Variants in ADGRV1 observed in about 807,000 individuals in gnomAD.
ADGRV1 encodes the protein adhesion G protein-coupled receptor V1.
Under a neutral mutation model 596.2 loss-of-function variants are expected in ADGRV1, and 359 were observed. The ratio of observed to expected loss-of-function variants is 0.60; its 90% CI spans 0.55 to 0.66. ADGRV1 has a LOEUF of 0.66. Ranked by LOEUF, ADGRV1 falls within the 30% of genes least tolerant of loss-of-function variation. The pLI is 0.00. For missense variants in ADGRV1, 7,274 were observed against 7,575.6 expected, an observed-to-expected ratio of 0.96 and a Z score of 1.48; for synonymous variants, 2,681 against 2,679.2, an observed-to-expected ratio of 1.00 and a Z score of -0.02.
At position 90,777,950 on chromosome 5, in the gene ADGRV1, G is replaced by A; in HGVS notation, c.12573G>A (p.Trp4191Ter). Residue 4191 changes from tryptophan (W) to a stop codon, truncating the protein, a stop_gained, in exon 62 of 90, where the codon TGG (tryptophan) becomes TGA (stop). Coordinates refer to ENST00000405460, the MANE Select transcript of ADGRV1 (RefSeq NM_032119.4). LOFTEE classifies it high-confidence loss of function. ...PGILGEVTVF[W>*]RIFPPSVGEF... The stretch of plus-strand genomic sequence containing the variant: ...TTTTGGGGGAGGTCACAGTGTTCTG[G>A]AGGATATTCCCTCCTTCCGTGGGGG... The A allele has an allele frequency of 6.2e-7, 1 of 1,612,784 alleles. No homozygotes were observed. Among genetic ancestry groups the A allele is most frequent in the Non-Finnish European group, 8.5e-7 (1 of 1,179,326 alleles).
rs1201972074 is a variant in ADGRV1, at chr5:90,853,476, G to T, written c.17397G>T (p.Glu5799Asp). Residue 5799 changes from glutamate to aspartate, a missense_variant, in exon 80 of 90, where the codon GAG becomes GAT. By Grantham distance (45) the Glu-to-Asp change is conservative. Transcript: ENST00000405460. ...CATGTAAATTAGTCCAGTTTACAGAGTATAGCAGCCAACAGTGGTTTATAA... is the reference window on the plus strand; with the variant it reads ...CATGTAAATTAGTCCAGTTTACAGATTATAGCAGCCAACAGTGGTTTATAA... ...KSTCKLVQFTEYSSQQWFISG... is the reference protein window; with the variant it reads ...KSTCKLVQFTDYSSQQWFISG... The T allele has an allele frequency of 2.5e-6, 4 of 1,612,852 alleles. No individual in the cohort carries two copies. The highest frequency in any genetic ancestry group is 3.4e-6 in the Non-Finnish European group (4 of 1,179,274).
chr5:90,961,811 T>G (rs1317188764), intron 83 of ADGRV1, among the ~76,000 whole-genome samples: 1 of 152,184 alleles, frequency 6.6e-6, no homozygotes, highest in Non-Finnish European at 1.5e-5. Context: ...AAATACTTTT[T>G]GGGGGAACTA....
intron 83 of ADGRV1, among the ~76,000 whole-genome samples, chr5:90,941,093 C>G (rs914907954): frequency 1.9e-4 from 28 of 151,092 alleles, no homozygotes; most frequent in African/African-American, 6.8e-4. Flanking sequence ...GAAAACAAAA[C>G]CAGCTTTTAG....
At chr5:90,788,487 G>T (rs1242650575) in intron 68 of ADGRV1, among the ~76,000 whole-genome samples, 177 bp downstream of exon 68, 1 of 152,106 alleles carries the variant, frequency 6.6e-6, no homozygotes, top group Non-Finnish European at 1.5e-5. Context: ...TCATTGCATA[G>T]CCTGATTATT....
At chr5:90,680,663 G>A (rs2149572256) in intron 26 of ADGRV1, among the ~76,000 whole-genome samples, 1 of 152,216 alleles carries the variant, frequency 6.6e-6, no homozygotes, top group South Asian at 2.1e-4. Context: ...ACTTCCATCA[G>A]TGCCTAATGC....
intron 39 of ADGRV1, among the ~76,000 whole-genome samples, chr5:90,709,763 G>A (rs757874318): frequency 5.9e-5 from 9 of 152,202 alleles, no homozygotes; most frequent in Admixed American, 2.0e-4. Context: ...TGAGTAGGCT[G>A]TTTACATCAA....
chr5:91,049,917 G>A (rs778676292), intron 85 of ADGRV1, among the ~76,000 whole-genome samples: 97 of 152,294 alleles, frequency 6.4e-4, no homozygotes, highest in Non-Finnish European at 7.2e-4. Flanking sequence ...AGGGACAACT[G>A]TATGTGAGGT....
chr5:90,704,662 T>C (rs1010734954), intron 36 of ADGRV1, among the ~76,000 whole-genome samples, 174 bp downstream of exon 36: 1 of 152,212 alleles, frequency 6.6e-6, no homozygotes, highest in African/African-American at 2.4e-5. Flanking sequence ...GGAATACTTA[T>C]CTTTATAGAC....
chr5:90,808,767 G>A (rs964483134), intron 73 of ADGRV1, among the ~76,000 whole-genome samples: 1 of 152,024 alleles, frequency 6.6e-6, no homozygotes, highest in Non-Finnish European at 1.5e-5. Context: ...GTGATGGTGC[G>A]TGCCTGTAGT....
intron 29 of ADGRV1, among the ~76,000 whole-genome samples, chr5:90,689,166 A>C (rs1746122078): frequency 6.6e-6 from 1 of 152,046 alleles, no homozygotes; most frequent in Non-Finnish European, 1.5e-5. Flanking sequence ...AAAAGACAAT[A>C]AACCAGGCCC....
chr5:90,640,343 T>G (rs1251099675), intron 11 of ADGRV1, among the ~76,000 whole-genome samples: 2 of 152,214 alleles, frequency 1.3e-5, no homozygotes, highest in Non-Finnish European at 2.9e-5. Context: ...GCAAATGATA[T>G]AGGTATAGAT....
chr5:90,788,042 G>A (rs1323535251), intron 67 of ADGRV1, 29 bp from the exon 68 acceptor site: 10 of 1,546,870 alleles, frequency 6.5e-6, no homozygotes, highest in Non-Finnish European at 8.7e-6. Flanking sequence ...CTCTATTAAA[G>A]AAATACCAAA....
At chr5:90,606,597 C>T (rs1317034099) in intron 1 of ADGRV1, among the ~76,000 whole-genome samples, 1 of 152,178 alleles carries the variant, frequency 6.6e-6, no homozygotes, top group Admixed American at 6.5e-5. Context: ...CAGCTACACA[C>T]CATAATTATT....
At chr5:91,008,279 A>G (rs1475955708) in intron 85 of ADGRV1, among the ~76,000 whole-genome samples, 2 of 152,122 alleles carry the variant, frequency 1.3e-5, no homozygotes, top group Non-Finnish European at 2.9e-5. Flanking sequence ...TCTGTGTTTT[A>G]AATTCTCCCA....
chr5:90,649,871 A>G (rs1380563686), intron 17 of ADGRV1, among the ~76,000 whole-genome samples: 1 of 149,856 alleles, frequency 6.7e-6, no homozygotes, highest in South Asian at 2.1e-4. Context: ...TTTGATTTTG[A>G]GAGAGAGAGA....
intron 52 of ADGRV1, among the ~76,000 whole-genome samples, chr5:90,748,151 TGAG>T (rs1754832391): frequency 1.3e-5 from 2 of 152,152 alleles, no homozygotes; most frequent in Admixed American, 6.5e-5. Context: ...GGGGATAAGA[TGAG>T]GAGTTTTGGA....
intron 35 of ADGRV1, 29 bp from the exon 36 acceptor site, chr5:90,704,360 C>A: frequency 7.6e-7 from 1 of 1,319,792 alleles, no homozygotes; most frequent in Non-Finnish European, 1.1e-6. Flanking sequence ...ATAACGACAG[C>A]GGGATTGATT....
chr5:91,080,867 A>G (rs1789294705), intron 86 of ADGRV1, among the ~76,000 whole-genome samples: 1 of 152,198 alleles, frequency 6.6e-6, no homozygotes, highest in African/African-American at 2.4e-5. Flanking sequence ...TTATTAGTAT[A>G]AGAACCCTTT....
chr5:90,862,358 A>T (rs1581357497), intron 82 of ADGRV1, among the ~76,000 whole-genome samples: 1 of 4,634 alleles, frequency 2.2e-4, no homozygotes, highest in African/African-American at 2.6e-4. Flanking sequence ...TATATTACTC[A>T]CACACACACA....
Sources: gnomAD v4.1 joint callset for allele counts (sites outside exome capture counted in the v4.1 genomes callset) on GRCh38, gnomAD v4.1.1 for gene constraint, MANE v1.5 for transcripts, NCBI Gene and HGNC (gene_info 2026-07-23, HGNC 2026-07-21) for gene names.